The following OVCH1 variants were observed in gnomAD, a reference collection of about 807,000 sequenced individuals.
The protein encoded by OVCH1 is ovochymase 1, also known as ovochymase-1.
OVCH1 carries 139 observed loss-of-function variants against 138.4 expected under a neutral mutation model. The ratio of observed to expected loss-of-function variants is 1.00; its 90% CI spans 0.87 to 1.16. OVCH1 has a LOEUF of 1.16. Among genes scored for constraint, OVCH1 ranks in the 50% most tolerant of loss-of-function variants. The pLI, the probability that OVCH1 is intolerant of heterozygous loss-of-function variation, is 0.00. For missense variants in OVCH1, 1,367 were observed against 1,357.9 expected, an observed-to-expected ratio of 1.01 and a Z score of -0.11; for synonymous variants, 453 against 467.8, an observed-to-expected ratio of 0.97 and a Z score of 0.41.
At chr12:29,497,541 T>C in intron 1 of OVCH1, 82 bp downstream of exon 1, 1 of 1,535,790 alleles carries the variant, frequency 6.5e-7, no homozygotes, top group Non-Finnish European at 8.9e-7. Context: ...CCCGACTTCC[T>C]GAGGCAAGGA....
chr12:29,439,560 C>T (rs1941435051), intron 25 of OVCH1: 4 of 1,200,068 alleles, frequency 3.3e-6, no homozygotes, highest in Middle Eastern at 3.1e-4. Context: ...CTGCTACTCT[C>T]GGTACTTTAC....
At chr12:29,421,826 CTTAT>C (rs1194246428) in intron 3 of OVCH1, among the ~76,000 whole-genome samples, 2 of 151,956 alleles carry the variant, frequency 1.3e-5, no homozygotes, top group African/African-American at 2.4e-5. Flanking sequence ...AGGATATGTG[CTTAT>C]TTATATAATT....
intron 7 of OVCH1, 29 bp downstream of exon 7, chr12:29,487,664 A>G: frequency 6.4e-7 from 1 of 1,551,440 alleles, no homozygotes; most frequent in Non-Finnish European, 8.8e-7. Context: ...TTGAGTTAGG[A>G]TGAGATGAGG....
chr12:29,444,396 G>A, intron 23 of OVCH1, 116 bp from the exon 24 acceptor site: 1 of 1,126,386 alleles, frequency 8.9e-7, no homozygotes, highest in Admixed American at 2.9e-5. Context: ...GGGAAAACAA[G>A]TAATTATTAG....
rs555490106 is a variant in OVCH1 at position 29,475,408 on chromosome 12, T to C, written c.1472-219A>G. Among the ~76,000 whole-genome samples, 6 of 152,220 alleles carry C rather than the reference T, an allele frequency of 3.9e-5. No individual in the cohort carries two copies. In the South Asian group the frequency reaches 1.2e-3, roughly 32 times the overall value. On this transcript the variant is annotated intron_variant, in intron 13 of 27. Coordinates refer to ENST00000318184, the Ensembl canonical transcript of OVCH1. ...GAAAAAGCTCTAAAATAAGGACATTTGATTTCCAGTACGCCCGGAAACTCA... is the reference window on the plus strand; with the variant it reads ...GAAAAAGCTCTAAAATAAGGACATTCGATTTCCAGTACGCCCGGAAACTCA...
At chr12:29,495,235 T>C (rs1267979455) in intron 4 of OVCH1, 50 bp downstream of exon 4, 1 of 1,482,424 alleles carries the variant, frequency 6.7e-7, no homozygotes, top group African/African-American at 1.4e-5. Flanking sequence ...TGTACATAAT[T>C]AGCAGTTTTC....
At chr12:29,435,186 A>G (rs1255429523) in intron 26 of OVCH1, among the ~76,000 whole-genome samples, 1 of 152,170 alleles carries the variant, frequency 6.6e-6, no homozygotes, top group Non-Finnish European at 1.5e-5. Flanking sequence ...AAAATGAAAC[A>G]TTTTAGACAG....
intron 6 of OVCH1, among the ~76,000 whole-genome samples, chr12:29,488,640 A>G (rs573255146): frequency 1.4e-4 from 21 of 150,638 alleles, no homozygotes; most frequent in African/African-American, 4.4e-4. Context: ...AAAAAAAAAA[A>G]AAAGAAAGGA....
intron 3 of OVCH1, among the ~76,000 whole-genome samples, chr12:29,422,242 A>G (rs1941114899): frequency 6.6e-6 from 1 of 152,218 alleles, no homozygotes; most frequent in East Asian, 1.9e-4. Context: ...TACTGTGAGA[A>G]TGAAGGGTCA....
intron 20 of OVCH1, 34 bp from the exon 21 acceptor site, chr12:29,454,967 T>A (rs1229877131): frequency 3.9e-6 from 6 of 1,535,564 alleles, no homozygotes; most frequent in Admixed American, 1.8e-5. Flanking sequence ...AAAATAAAGA[T>A]GAAAGCCTGA....
chr12:29,432,777 A>AAAT (rs1324091959), intron 27 of OVCH1, among the ~76,000 whole-genome samples: 1 of 152,168 alleles, frequency 6.6e-6, no homozygotes. Context: ...GTGATAGAGA[A>AAAT]AATGAGGAAA....
At chr12:29,443,700 A>C (rs543537050) in intron 24 of OVCH1, among the ~76,000 whole-genome samples, 200 bp from the exon 25 acceptor site, 4 of 152,180 alleles carry the variant, frequency 2.6e-5, no homozygotes, top group African/African-American at 9.6e-5. Flanking sequence ...AATTTGCCAA[A>C]ATTTATAAAG....
chr12:29,469,075 C>A (rs533350209), intron 16 of OVCH1, among the ~76,000 whole-genome samples: 1 of 152,250 alleles, frequency 6.6e-6, no homozygotes, highest in South Asian at 2.1e-4. Context: ...AAAGAGCTCA[C>A]AATGGCCAAA....
chr12:29,485,019 CTT>C (rs1489081135), intron 8 of OVCH1, among the ~76,000 whole-genome samples: 3 of 152,156 alleles, frequency 2.0e-5, no homozygotes, highest in African/African-American at 4.8e-5. Flanking sequence ...AAAATCAAAA[CTT>C]TTAAAAACAC....
At chr12:29,418,887 A>T (rs1377677700) in intron 3 of OVCH1, among the ~76,000 whole-genome samples, 1 of 152,178 alleles carries the variant, frequency 6.6e-6, no homozygotes, top group Non-Finnish European at 1.5e-5. Context: ...GAGATATGGT[A>T]TTGCACTATC....
chr12:29,486,326 G>C, exon 8 of OVCH1: 1 of 1,613,720 alleles, frequency 6.2e-7, no homozygotes, highest in Non-Finnish European at 8.5e-7. Flanking sequence ...CCACTTTTGA[G>C]AGGGGTTGGC....
the OVCH1 span, among the ~76,000 whole-genome samples, chr12:29,405,063 A>C: frequency 7.4e-6 from 1 of 134,640 alleles, no homozygotes; most frequent in African/African-American, 2.7e-5. Context: ...AAAACAAAAG[A>C]AATGATCATG....
At chr12:29,408,318 G>T (rs1284230261), downstream of OVCH1, among the ~76,000 whole-genome samples, 1 of 122,990 alleles carries the variant, frequency 8.1e-6, no homozygotes, top group African/African-American at 2.6e-5. Flanking sequence ...CTACCTAATT[G>T]CCCTGGCCAG....
intron 26 of OVCH1, among the ~76,000 whole-genome samples, chr12:29,436,082 A>G (rs1592036395): frequency 6.6e-6 from 1 of 152,068 alleles, no homozygotes; most frequent in East Asian, 1.9e-4. Flanking sequence ...CAGGTGTTTT[A>G]TTTTAAAAAT....
Sources: allele counts gnomAD v4.1 joint callset (sites outside exome capture counted in the v4.1 genomes callset), GRCh38; gene constraint gnomAD v4.1.1; transcripts MANE v1.5; gene names NCBI Gene and HGNC (gene_info 2026-07-23, HGNC 2026-07-21).